The following SNTG1 variants were observed in gnomAD, a reference collection of about 807,000 sequenced individuals.
The protein encoded by SNTG1 is syntrophin gamma 1.
Under a neutral mutation model 74.7 loss-of-function variants are expected in SNTG1, and 39 were observed. The observed-to-expected ratio is 0.52, with a 90% CI of 0.40 to 0.68. SNTG1 has a LOEUF of 0.68. Among genes scored for constraint, SNTG1 ranks in the 30% least tolerant of loss-of-function variants. The pLI is 0.00. For missense variants in SNTG1, 685 were observed against 609.5 expected (o/e 1.12, Z -1.30); for synonymous variants, 254 against 217.1 (o/e 1.17, Z -1.49).
intron 8 of SNTG1, among the ~76,000 whole-genome samples, chr8:50,480,836 A>T (rs1299007005): frequency 6.6e-6 from 1 of 152,246 alleles, no homozygotes; most frequent in Non-Finnish European, 1.5e-5. Flanking sequence ...TTTCATTGAA[A>T]GAATTACAGG....
At chr8:50,501,969 G>A (rs2625734) in intron 8 of SNTG1, among the ~76,000 whole-genome samples, 63,080 of 151,948 alleles carry the variant, frequency 0.42, 17,985 homozygotes, top group African/African-American at 0.82. Context: ...TTTGCTATAA[G>A]TAACTCTTCA....
chr8:50,218,870 A>T (rs2084920454), intron 2 of SNTG1, among the ~76,000 whole-genome samples: 1 of 152,210 alleles, frequency 6.6e-6, no homozygotes. Flanking sequence ...GAAACAATGA[A>T]TTGGACAGGC....
chr8:50,050,124 A>G (rs1323359211), intron 1 of SNTG1, among the ~76,000 whole-genome samples: 2 of 152,000 alleles, frequency 1.3e-5, no homozygotes, highest in Non-Finnish European at 2.9e-5. Flanking sequence ...CAATAAAATT[A>G]AATACAGGAA....
rs1209344091 is a variant in SNTG1 at position 50,122,780 on chromosome 8, T to C, written c.-102-49781T>C. Among the ~76,000 whole-genome samples the C allele has an allele frequency of 3.2e-4, 45 of 141,374 alleles. 6 individuals are homozygous for C. The highest frequency in any genetic ancestry group is 1.7e-3 in the Admixed American group (23 of 13,770). 92.7% of individuals were successfully genotyped at this position (141,374 alleles called of 152,430 possible). A position where few individuals can be genotyped will look rare whatever the true frequency, so the allele number is the denominator to read the frequency against. On this transcript the variant is annotated intron_variant, in intron 1 of 18. Coordinates refer to ENST00000642720, the MANE Select transcript of SNTG1 (RefSeq NM_018967.5). ...TAGCACAGAGAAGAAATTCAAGAGA[T>C]ATACCAGCTAAAATACCCTAACAGT...
chr8:50,607,756 T>C (rs1309911955), intron 13 of SNTG1, among the ~76,000 whole-genome samples: 1 of 151,686 alleles, frequency 6.6e-6, no homozygotes, highest in Non-Finnish European at 1.5e-5. Context: ...TTCCTTCTTT[T>C]GGCTTTCTGT....
intron 13 of SNTG1, among the ~76,000 whole-genome samples, chr8:50,640,885 C>A (rs1363762058): frequency 6.6e-6 from 1 of 152,042 alleles, no homozygotes; most frequent in African/African-American, 2.4e-5. Flanking sequence ...CCTCTTGTGC[C>A]CCAAGCTCAT....
intron 1 of SNTG1, among the ~76,000 whole-genome samples, chr8:50,103,563 G>A (rs199620400): frequency 1.7e-4 from 26 of 151,856 alleles, no homozygotes; most frequent in African/African-American, 4.8e-4. Context: ...TCCTTCTCCT[G>A]CCTAATTGCC....
chr8:50,351,520 A>G (rs1167335178), intron 2 of SNTG1, among the ~76,000 whole-genome samples: 3 of 152,182 alleles, frequency 2.0e-5, no homozygotes, highest in Non-Finnish European at 4.4e-5. Flanking sequence ...ATCATGTATA[A>G]TTTCCTAATG....
rs148714114 is a variant in SNTG1, at chr8:50,496,890, G to A, written c.364-5888G>A. Among the ~76,000 whole-genome samples, 473 of 150,778 alleles carry A rather than the reference G, an allele frequency of 3.1e-3. 3 individuals are homozygous for A. Among genetic ancestry groups the A allele is most frequent in the African/African-American group, 0.01 (430 of 41,178 alleles). On this transcript the variant is annotated intron_variant, in intron 8 of 18. Coordinates refer to ENST00000642720, the MANE Select transcript of SNTG1 (RefSeq NM_018967.5). The stretch of plus-strand genomic sequence containing the variant: ...ATTTCTTATTTGGCAGGAATAATTC[G>A]TTCATTATTATTCAAGATATAGAAC...
At position 50,793,810 on chromosome 8, in the gene SNTG1, G is replaced by A. The variant is rs1478262476; in HGVS notation, c.*981G>A. On this transcript the variant is annotated 3_prime_UTR_variant, in exon 19 of 19. Transcript: ENST00000642720. Reference sequence around the variant, plus strand: ...AAACAGTCCCAAAGCTATTATAGATGTTAATTAAATGACATTTTTTCATTT... The same window carrying A: ...AAACAGTCCCAAAGCTATTATAGATATTAATTAAATGACATTTTTTCATTT... 1 of 151,858 alleles carries A rather than the reference G, an allele frequency of 6.6e-6. No individual in the cohort carries two copies. The highest frequency in any genetic ancestry group is 1.5e-5 in the Non-Finnish European group (1 of 67,894). 9.4% of individuals were successfully genotyped at this position (151,858 alleles called of 1,614,324 possible). A position where few individuals can be genotyped will look rare whatever the true frequency, so the allele number is the denominator to read the frequency against.
At chr8:50,490,038 A>T (rs913009196) in intron 8 of SNTG1, among the ~76,000 whole-genome samples, 1 of 152,102 alleles carries the variant, frequency 6.6e-6, no homozygotes, top group Non-Finnish European at 1.5e-5. Context: ...TCCTTTCCTC[A>T]TTTGATTGTT....
chr8:50,209,832 G>A (rs541943616), intron 2 of SNTG1, among the ~76,000 whole-genome samples: 198 of 152,312 alleles, frequency 1.3e-3, no homozygotes, highest in African/African-American at 4.4e-3. Context: ...CCAAAGGAAC[G>A]TAGCTCCTCA....
At chr8:49,920,198 G>C (rs749867786) in intron 1 of SNTG1, among the ~76,000 whole-genome samples, 21 of 151,882 alleles carry the variant, frequency 1.4e-4, no homozygotes, top group Admixed American at 2.6e-4. Context: ...TCTTCATAGG[G>C]CATAATAAAT....
chr8:50,270,837 G>A lies in SNTG1; in HGVS notation c.-28+98202G>A, dbSNP rs75421919. Among the ~76,000 whole-genome samples the A allele has an allele frequency of 8.8e-3, 1,334 of 152,274 alleles. 24 individuals are homozygous for A. The highest frequency in any genetic ancestry group is 0.03 in the African/African-American group (1,264 of 41,558). On this transcript the variant is annotated intron_variant, in intron 2 of 18. Transcript: ENST00000642720. ...GCTGTTCAAGCCCTGTTTCTGGTAA[G>A]AATAGAGTTTCAATAAAGAATCAGG...
intron 2 of SNTG1, among the ~76,000 whole-genome samples, chr8:50,216,236 A>T (rs937160699): frequency 3.3e-5 from 5 of 152,184 alleles, no homozygotes; most frequent in African/African-American, 1.2e-4. Context: ...ACCTTTTTAC[A>T]TATTGCTGAT....
chr8:50,249,999 G>C (rs1336250702), intron 2 of SNTG1, among the ~76,000 whole-genome samples: 1 of 151,456 alleles, frequency 6.6e-6, no homozygotes, highest in Admixed American at 6.6e-5. Flanking sequence ...TAAAATGCTT[G>C]AAAAAGAATT....
chr8:50,660,975 T>C (rs2095219869), intron 15 of SNTG1, among the ~76,000 whole-genome samples: 1 of 152,172 alleles, frequency 6.6e-6, no homozygotes. Flanking sequence ...TATCCCATCA[T>C]TTGCTTGTAT....
intron 13 of SNTG1, among the ~76,000 whole-genome samples, chr8:50,630,484 T>C (rs1276706424): frequency 1.3e-5 from 2 of 152,190 alleles, no homozygotes; most frequent in African/African-American, 2.4e-5. Flanking sequence ...TCCTCAGTAG[T>C]TGAGCTATAC....
chr8:50,307,347 C>A (rs2089942478), intron 2 of SNTG1, among the ~76,000 whole-genome samples: 2 of 152,076 alleles, frequency 1.3e-5, no homozygotes, highest in East Asian at 1.9e-4. Flanking sequence ...CTGTTCAACA[C>A]AATTAGAATT....
Sources: gnomAD v4.1 joint callset for allele counts (sites outside exome capture counted in the v4.1 genomes callset) on GRCh38, gnomAD v4.1.1 for gene constraint, MANE v1.5 for transcripts, NCBI Gene and HGNC (gene_info 2026-07-23, HGNC 2026-07-21) for gene names.